Variants in NR1H4 observed in about 807,000 individuals in gnomAD.
NR1H4 encodes nuclear receptor subfamily 1 group H member 4.
A neutral mutation model predicts 58.5 loss-of-function variants in NR1H4; 23 were observed. The ratio of observed to expected loss-of-function variants is 0.39; its 90% CI spans 0.28 to 0.56. NR1H4 has a LOEUF of 0.56. Among genes scored for constraint, NR1H4 ranks in the 20% least tolerant of loss-of-function variants. The probability of loss-of-function intolerance (pLI) is 0.58; values close to 1 mark genes in which losing one functional copy is unlikely to be tolerated. For missense variants in NR1H4, 487 were observed against 576.9 expected (o/e 0.84, Z 1.60); for synonymous variants, 214 against 198.0 (o/e 1.08, Z -0.68).
chr12:100,547,325 T>G (rs1955094205), intron 9 of NR1H4, among the ~76,000 whole-genome samples: 2 of 152,108 alleles, frequency 1.3e-5, no homozygotes, highest in South Asian at 4.1e-4. Flanking sequence ...TAGAATTAGA[T>G]GCACACAGAG....
rs536476856 is a variant in NR1H4, at chr12:100,532,680, G to A, written c.598+70G>A. The A allele has an allele frequency of 1.1e-4, 147 of 1,389,538 alleles. No individual in the cohort carries two copies. The East Asian group carries it at 2.8e-3, about 26-fold the overall frequency. 86.1% of individuals were successfully genotyped at this position (1,389,538 alleles called of 1,614,324 possible). A position where few individuals can be genotyped will look rare whatever the true frequency, so the allele number is the denominator to read the frequency against. On this transcript the variant is annotated intron_variant, in intron 5 of 10. Coordinates refer to ENST00000392986, the MANE Select transcript of NR1H4 (RefSeq NM_001206979.2). The stretch of plus-strand genomic sequence containing the variant: ...AGGCAGATGTCAGGTAACTCATCAC[G>A]AGAGTGCTACTTCACATATTAAAGA...
intron 9 of NR1H4, among the ~76,000 whole-genome samples, chr12:100,546,004 T>C (rs750059009): frequency 2.6e-5 from 4 of 152,018 alleles, no homozygotes; most frequent in Non-Finnish European, 5.9e-5. Context: ...AGCTAGGCCA[T>C]TGGAGAGGGA....
At position 100,497,946 on chromosome 12, in the gene NR1H4, C is replaced by T. The variant is rs1953750938; in HGVS notation, c.79+4544C>T. Reference sequence around the variant, plus strand: ...ATAAGAGAAGAAGCAAGAGAAAATACAGTCTTATCCTCCCACACCCAATGT... The same window carrying T: ...ATAAGAGAAGAAGCAAGAGAAAATATAGTCTTATCCTCCCACACCCAATGT... On this transcript the variant is annotated intron_variant, in intron 3 of 10. Transcript: ENST00000392986. Among the ~76,000 whole-genome samples, 3 of 152,078 alleles carry T rather than the reference C, an allele frequency of 2.0e-5. No homozygotes were observed. The South Asian group carries it at 6.2e-4, about 32-fold the overall frequency.
intron 8 of NR1H4, 86 bp from the exon 9 acceptor site, chr12:100,540,586 G>C: frequency 7.1e-7 from 1 of 1,413,890 alleles, no homozygotes; most frequent in Non-Finnish European, 1.0e-6. Flanking sequence ...AGAATCACTT[G>C]ATGTAAATGT....
intron 4 of NR1H4, among the ~76,000 whole-genome samples, chr12:100,524,344 A>G (rs756233837): frequency 2.8e-4 from 43 of 152,320 alleles, no homozygotes; most frequent in Admixed American, 1.4e-3. Context: ...GGCACCTCCC[A>G]GTGCTGGAAT....
chr12:100,500,063 G>A, intron 3 of NR1H4: 1 of 404,284 alleles, frequency 2.5e-6, no homozygotes, highest in South Asian at 1.8e-5. Context: ...GGTGAGAAAA[G>A]GAATATTTAG....
chr12:100,552,501 A>G (rs1213346808), intron 9 of NR1H4, among the ~76,000 whole-genome samples: 2 of 152,150 alleles, frequency 1.3e-5, no homozygotes, highest in African/African-American at 4.8e-5. Context: ...TCCCCATCAC[A>G]TCTCACAACT....
At chr12:100,550,066 T>C (rs1249733615) in intron 9 of NR1H4, among the ~76,000 whole-genome samples, 1 of 152,196 alleles carries the variant, frequency 6.6e-6, no homozygotes, top group Admixed American at 6.5e-5. Context: ...ATTCATACTC[T>C]TTTGTTTGCT....
At position 100,562,005 on chromosome 12, in the gene NR1H4, C is replaced by G; in HGVS notation, c.1192+7C>G. On this transcript the variant is annotated splice_region_variant and intron_variant, in intron 10 of 10. Coordinates refer to ENST00000392986, the MANE Select transcript of NR1H4 (RefSeq NM_001206979.2). Reference sequence around the variant, plus strand: ...ATTGTTATCCTGTCTCCAGGTAATTCCAATGTTACATTTTAATTTTTATGC... The same window carrying G: ...ATTGTTATCCTGTCTCCAGGTAATTGCAATGTTACATTTTAATTTTTATGC... 7.7e-7 allele frequency: 1 copy of G among 1,301,462 alleles called. No individual in the cohort carries two copies. The highest frequency in any genetic ancestry group is 1.1e-6 in the Non-Finnish European group (1 of 895,400). The allele number at this position is 1,301,462 out of a possible 1,614,324, so 80.6% of individuals were successfully genotyped here. A position where few individuals can be genotyped will look rare whatever the true frequency, so the allele number is the denominator to read the frequency against.
intron 1 of NR1H4, among the ~76,000 whole-genome samples, chr12:100,485,494 T>G (rs1832501250): frequency 1.3e-5 from 2 of 152,202 alleles, no homozygotes; most frequent in African/African-American, 2.4e-5. Context: ...TCCCCATTTA[T>G]TCATATGAAT....
intron 10 of NR1H4, among the ~76,000 whole-genome samples, chr12:100,562,311 A>C (rs1955494876): frequency 6.6e-6 from 1 of 152,222 alleles, no homozygotes. Context: ...GAGAAAGATA[A>C]TAAATGAAGA....
chr12:100,480,470 A>G (rs1205274562), intron 1 of NR1H4, among the ~76,000 whole-genome samples: 8 of 152,136 alleles, frequency 5.3e-5, no homozygotes, highest in Non-Finnish European at 1.2e-4. Flanking sequence ...CTATCTTCCA[A>G]GTTACCACAG....
At chr12:100,545,878 G>A (rs1396178240) in intron 9 of NR1H4, among the ~76,000 whole-genome samples, 1 of 152,028 alleles carries the variant, frequency 6.6e-6, no homozygotes, top group African/African-American at 2.4e-5. Context: ...GAGGAAGCAG[G>A]TGGAGTCCAG....
intron 9 of NR1H4, among the ~76,000 whole-genome samples, chr12:100,560,639 C>T (rs181392009): frequency 2.0e-5 from 3 of 152,240 alleles, no homozygotes; most frequent in Admixed American, 1.3e-4. Flanking sequence ...TGTAACACCG[C>T]GAGGGTCCGC....
At chr12:100,548,612 G>T (rs937623699) in intron 9 of NR1H4, among the ~76,000 whole-genome samples, 4 of 152,088 alleles carry the variant, frequency 2.6e-5, no homozygotes, top group African/African-American at 9.7e-5. Flanking sequence ...GGTAGCAATG[G>T]AAGATCATTT....
intron 5 of NR1H4, among the ~76,000 whole-genome samples, chr12:100,534,603 T>A (rs1001086573): frequency 6.6e-6 from 1 of 152,210 alleles, no homozygotes; most frequent in East Asian, 1.9e-4. Flanking sequence ...TGATTATTGC[T>A]TTTATTTTGT....
intron 4 of NR1H4, among the ~76,000 whole-genome samples, chr12:100,530,778 C>G (rs1272647200): frequency 6.6e-6 from 1 of 152,084 alleles, no homozygotes; most frequent in Admixed American, 6.6e-5. Flanking sequence ...AAATGGTGTC[C>G]CCTCATGCCC....
At chr12:100,482,300 A>C (rs1249213995) in intron 1 of NR1H4, among the ~76,000 whole-genome samples, 2 of 142,550 alleles carry the variant, frequency 1.4e-5, no homozygotes, top group Admixed American at 6.8e-5. Flanking sequence ...TTTATGTGAC[A>C]AAAAAAAAAT....
At chr12:100,519,452 C>G (rs1954355900) in intron 4 of NR1H4, among the ~76,000 whole-genome samples, 1 of 151,922 alleles carries the variant, frequency 6.6e-6, no homozygotes, top group Non-Finnish European at 1.5e-5. Flanking sequence ...GGTCTTCAGT[C>G]ACCAGTGGGA....
Sources: allele counts gnomAD v4.1 joint callset (sites outside exome capture counted in the v4.1 genomes callset), GRCh38; gene constraint gnomAD v4.1.1; transcripts MANE v1.5; gene names NCBI Gene and HGNC (gene_info 2026-07-23, HGNC 2026-07-21).